Variants in ZNF487 observed in about 807,000 individuals in gnomAD.
ZNF487 encodes KRAB domain only 1.
ZNF487 carries 4 observed loss-of-function variants against 3.0 expected under a neutral mutation model. The observed-to-expected ratio is 1.35, with a 90% confidence interval of 0.66 to 3.08. ZNF487 has a LOEUF of 3.08. Ranked by LOEUF, ZNF487 falls within the 30% of genes most tolerant of loss-of-function variation. The probability of loss-of-function intolerance (pLI) is 0.01; values close to 1 mark genes in which losing one functional copy is unlikely to be tolerated. For synonymous variants in ZNF487, 55 were observed against 34.6 expected (o/e 1.59, Z -2.06); for missense variants, 146 against 98.7 (o/e 1.48, Z -2.03).
At chr10:43,508,217 C>T in the ZNF487 span, among the ~76,000 whole-genome samples, 1 of 152,154 alleles carries the variant, frequency 6.6e-6, no homozygotes, top group African/African-American at 2.4e-5. Flanking sequence ...AGGCCTCTCA[C>T]CCTGATGATA....
intron 1 of ZNF487, among the ~76,000 whole-genome samples, chr10:43,451,494 C>T (rs922585909): frequency 1.5e-4 from 22 of 151,472 alleles, no homozygotes; most frequent in African/African-American, 4.9e-4. Context: ...ATCCACCCGC[C>T]TTGGCCTCCC....
At chr10:43,447,161 G>A (rs971948163) in intron 1 of ZNF487, among the ~76,000 whole-genome samples, 20 of 152,118 alleles carry the variant, frequency 1.3e-4, no homozygotes, top group African/African-American at 4.1e-4. Context: ...AGAGGGAGAC[G>A]GTGGAAAGCG....
At chr10:43,493,704 AAAAAAATATATATAT>A in the ZNF487 span, among the ~76,000 whole-genome samples, 35 of 80,870 alleles carry the variant, frequency 4.3e-4, 3 homozygotes, top group African/African-American at 1.1e-3. Context: ...AGAAAAAAAA[AAAAAAATATATATAT>A]ATATATATAT....
downstream of ZNF487, among the ~76,000 whole-genome samples, chr10:43,487,979 G>A (rs1181522079): frequency 1.6e-4 from 23 of 146,370 alleles, no homozygotes; most frequent in Non-Finnish European, 4.5e-5. Context: ...GGTGGCAGGC[G>A]CCTGTAGTCC....
chr10:43,476,514 T>C (rs562094234), intron 3 of ZNF487, among the ~76,000 whole-genome samples: 3 of 152,318 alleles, frequency 2.0e-5, no homozygotes, highest in East Asian at 3.9e-4. Flanking sequence ...TCATATATTA[T>C]GTATTTATTC....
At chr10:43,517,630 G>A in the ZNF487 span, among the ~76,000 whole-genome samples, 5 of 152,176 alleles carry the variant, frequency 3.3e-5, no homozygotes, top group Admixed American at 3.3e-4. Flanking sequence ...CTTGGAAATA[G>A]AGGCTTTTAC....
chr10:43,502,933 A>G, the ZNF487 span, among the ~76,000 whole-genome samples: 1 of 149,208 alleles, frequency 6.7e-6, no homozygotes, highest in African/African-American at 2.5e-5. Context: ...CAAGAGGCTG[A>G]GATGGGAGGA....
At chr10:43,437,720 A>C (rs1220473198) in intron 1 of ZNF487, among the ~76,000 whole-genome samples, 2 of 152,180 alleles carry the variant, frequency 1.3e-5, no homozygotes, top group Non-Finnish European at 2.9e-5. Flanking sequence ...GTTCCTTCTG[A>C]GGAAATAGTT....
chr10:43,502,921 T>C, the ZNF487 span, among the ~76,000 whole-genome samples: 19,122 of 151,174 alleles, frequency 0.13, 2,602 homozygotes, highest in African/African-American at 0.34. Context: ...GTCTCAGCTA[T>C]TCAAGAGGCT....
chr10:43,487,679 C>T (rs1282879677), downstream of ZNF487, among the ~76,000 whole-genome samples: 7 of 151,534 alleles, frequency 4.6e-5, no homozygotes, highest in Admixed American at 1.3e-4. Flanking sequence ...GTCCATCTTC[C>T]GACTTCAGGT....
chr10:43,492,935 T>C, the ZNF487 span, among the ~76,000 whole-genome samples: 14 of 152,226 alleles, frequency 9.2e-5, no homozygotes, highest in Admixed American at 7.9e-4. Context: ...ACATTAGAAC[T>C]CTAAAGGTGT....
chr10:43,461,611 G>A (rs1840434894), intron 1 of ZNF487, among the ~76,000 whole-genome samples: 1 of 152,042 alleles, frequency 6.6e-6, no homozygotes, highest in Non-Finnish European at 1.5e-5. Flanking sequence ...ATGAGCCACT[G>A]CCCCCGGCCT....
At position 43,482,815 on chromosome 10, in the gene ZNF487, CA is replaced by C; in HGVS notation, c.*894del. 1.9e-6 allele frequency: 1 copy of C among 516,122 alleles called. No individual in the cohort carries two copies. The highest frequency in any genetic ancestry group is 4.0e-6 in the Non-Finnish European group (1 of 251,956). The allele number at this position is 516,122 out of a possible 1,614,324, so 32.0% of individuals were successfully genotyped here. A position where few individuals can be genotyped will look rare whatever the true frequency, so the allele number is the denominator to read the frequency against. On this transcript the variant is annotated 3_prime_UTR_variant, in exon 4 of 4. Coordinates refer to ENST00000437590, the MANE Select transcript of ZNF487 (RefSeq NM_001355444.3). Reference sequence around the variant, plus strand: ...CTTAGAGAACATCAGAGAATTCACACAGGGGAGAAACCCTATGAATGTAATG... The same window carrying C: ...CTTAGAGAACATCAGAGAATTCACACGGGGAGAAACCCTATGAATGTAATG...
the ZNF487 span, among the ~76,000 whole-genome samples, chr10:43,501,685 T>C: frequency 1.3e-5 from 2 of 151,828 alleles, no homozygotes; most frequent in African/African-American, 2.4e-5. Context: ...GAGGTTGCAG[T>C]GAGCTGAGAT....
chr10:43,446,331 C>T (rs949820620), intron 1 of ZNF487, among the ~76,000 whole-genome samples: 6 of 150,766 alleles, frequency 4.0e-5, no homozygotes, highest in South Asian at 2.1e-4. Context: ...GACGGGGTGG[C>T]CGGGCGGAGA....
chr10:43,462,578 C>G (rs1840471203), intron 1 of ZNF487, among the ~76,000 whole-genome samples: 1 of 150,806 alleles, frequency 6.6e-6, no homozygotes, highest in Non-Finnish European at 1.5e-5. Context: ...GCCTCAGCCT[C>G]CTGAGTAGCT....
At chr10:43,463,173 G>T (rs773121855) in intron 1 of ZNF487, among the ~76,000 whole-genome samples, 4 of 151,890 alleles carry the variant, frequency 2.6e-5, no homozygotes, top group African/African-American at 4.8e-5. Flanking sequence ...GGCAGAGGTT[G>T]CGGTGAGCCG....
intron 1 of ZNF487, among the ~76,000 whole-genome samples, chr10:43,438,862 C>T (rs1839476158): frequency 6.6e-6 from 1 of 151,994 alleles, no homozygotes. Context: ...GGGAGGATTG[C>T]TTGAGTCCAG....
the ZNF487 span, among the ~76,000 whole-genome samples, chr10:43,493,707 AAAATATATATATAT>A: frequency 0.019 from 1,003 of 53,848 alleles, 32 homozygotes; most frequent in East Asian, 0.033. Context: ...AAAAAAAAAA[AAAATATATATATAT>A]ATATATATAT....
Sources: allele counts gnomAD v4.1 joint callset (sites outside exome capture counted in the v4.1 genomes callset), GRCh38; gene constraint gnomAD v4.1.1; transcripts MANE v1.5; gene names NCBI Gene and HGNC (gene_info 2026-07-23, HGNC 2026-07-21).